Variants in UXS1 observed in about 807,000 individuals in gnomAD.
The protein encoded by UXS1 is UDP-glucuronate decarboxylase 1.
UXS1 carries 33 observed loss-of-function variants against 62.6 expected under a neutral mutation model. The ratio of observed to expected loss-of-function variants is 0.53; its 90% CI spans 0.40 to 0.70. UXS1 has a LOEUF of 0.70. UXS1 is among the 30% of genes least tolerant of loss of function. The probability of loss-of-function intolerance (pLI) is 0.00; values close to 1 mark genes in which losing one functional copy is unlikely to be tolerated. For synonymous variants in UXS1, 213 were observed against 206.8 expected (o/e 1.03, Z -0.26); for missense variants, 434 against 556.3 (o/e 0.78, Z 2.21).
At chr2:106,127,338 T>C (rs1485516330) in intron 7 of UXS1, among the ~76,000 whole-genome samples, 1 of 152,242 alleles carries the variant, frequency 6.6e-6, no homozygotes, top group Non-Finnish European at 1.5e-5. Context: ...AGAGTAACTA[T>C]ACATTTTATA....
At chr2:106,122,309 C>T (rs558520732) in intron 9 of UXS1, among the ~76,000 whole-genome samples, 1 of 152,350 alleles carries the variant, frequency 6.6e-6, no homozygotes, top group African/African-American at 2.4e-5. Context: ...TCCACCTTCT[C>T]TGCACAGTTC....
chr2:106,147,759 G>A (rs1355837842), intron 5 of UXS1, among the ~76,000 whole-genome samples: 2 of 152,008 alleles, frequency 1.3e-5, no homozygotes, highest in Non-Finnish European at 2.9e-5. Context: ...CGCCTGCCTC[G>A]GGCACACTTA....
intron 14 of UXS1, 55 bp from the exon 15 acceptor site, chr2:106,094,212 C>CGCAGGAAGGAAGTGCCCCCTT: frequency 8.4e-7 from 1 of 1,186,126 alleles, no homozygotes. Flanking sequence ...AGAAGGGCAT[C>CGCAGGAAGGAAGTGCCCCCTT]GCAGGAAGGA....
At chr2:106,188,475 T>C (rs1402249817) in intron 1 of UXS1, among the ~76,000 whole-genome samples, 2 of 152,348 alleles carry the variant, frequency 1.3e-5, no homozygotes, top group Non-Finnish European at 2.9e-5. Context: ...TTCCAGCTCC[T>C]GTCCCACCCT....
chr2:106,179,344 G>T (rs531769533), intron 1 of UXS1, among the ~76,000 whole-genome samples: 1 of 150,616 alleles, frequency 6.6e-6, no homozygotes, highest in Non-Finnish European at 1.5e-5. Flanking sequence ...CCTGCTCTCC[G>T]CTCTCTGGCT....
chr2:106,094,695 C>T (rs1381814106), intron 14 of UXS1, among the ~76,000 whole-genome samples: 1 of 152,178 alleles, frequency 6.6e-6, no homozygotes, highest in East Asian at 1.9e-4. Flanking sequence ...AGGGGACCCA[C>T]GGCAGCCCAC....
intron 12 of UXS1, 147 bp downstream of exon 12, chr2:106,100,911 G>T: frequency 1.0e-6 from 1 of 988,064 alleles, no homozygotes; most frequent in East Asian, 2.5e-5. Context: ...GTGTTTGTTT[G>T]TTTTTCCTCT....
At chr2:106,175,648 G>A (rs991899285) in intron 1 of UXS1, among the ~76,000 whole-genome samples, 3 of 152,134 alleles carry the variant, frequency 2.0e-5, no homozygotes, top group Non-Finnish European at 4.4e-5. Context: ...ACCACCATGC[G>A]TGAAGTCTGA....
chr2:106,180,269 T>C (rs1684157861), intron 1 of UXS1, among the ~76,000 whole-genome samples: 1 of 152,260 alleles, frequency 6.6e-6, no homozygotes, highest in African/African-American at 2.4e-5. Flanking sequence ...CAGGATTAGC[T>C]GGAAGGGAGC....
chr2:106,108,450 G>A (rs546097194), intron 10 of UXS1, among the ~76,000 whole-genome samples: 12 of 152,252 alleles, frequency 7.9e-5, no homozygotes, highest in African/African-American at 1.9e-4. Flanking sequence ...AGGCCTGCAG[G>A]GACTTGGCAC....
chr2:106,161,092 T>C (rs1283215114), intron 4 of UXS1, among the ~76,000 whole-genome samples: 1 of 150,608 alleles, frequency 6.6e-6, no homozygotes, highest in East Asian at 2.0e-4. Flanking sequence ...GCAGTGACCA[T>C]GTGGGTGCCG....
chr2:106,141,307 A>C (rs2104981511), intron 6 of UXS1, among the ~76,000 whole-genome samples: 1 of 152,342 alleles, frequency 6.6e-6, no homozygotes, highest in South Asian at 2.1e-4. Flanking sequence ...TTATATAAAA[A>C]GGGAGAACTA....
Position 106,170,793 on chromosome 2 carries a change from G to A in UXS1, c.95-4710C>T, listed in dbSNP as rs147222328. ...TGTAGAGTAGCCTGGAAGGTTGCAG[G>A]GCATAGACCTTAAAAGTTAAACATT... On this transcript the variant is annotated intron_variant, in intron 1 of 14. Coordinates refer to ENST00000283148, the MANE Select transcript of UXS1 (RefSeq NM_001253875.2). Among the ~76,000 whole-genome samples the A allele has an allele frequency of 4.6e-5, 7 of 152,226 alleles. No homozygotes were observed. The East Asian group carries it at 1.3e-3, about 29-fold the overall frequency.
intron 5 of UXS1, among the ~76,000 whole-genome samples, chr2:106,152,492 AG>A: frequency 4.0e-5 from 1 of 24,864 alleles, no homozygotes; most frequent in African/African-American, 1.5e-4. Flanking sequence ...GAAGGGAGGG[AG>A]AGAGGGAGGG....
chr2:106,145,754 T>C (rs1446040859), intron 5 of UXS1, among the ~76,000 whole-genome samples: 1 of 152,154 alleles, frequency 6.6e-6, no homozygotes, highest in Non-Finnish European at 1.5e-5. Context: ...CTTTAAAAAT[T>C]ACTTTATAGA....
At chr2:106,148,392 C>T (rs1269916345) in intron 5 of UXS1, among the ~76,000 whole-genome samples, 1 of 152,174 alleles carries the variant, frequency 6.6e-6, no homozygotes, top group East Asian at 1.9e-4. Context: ...AATGTAACCC[C>T]TTTTAACATA....
At chr2:106,164,820 GAA>G in intron 2 of UXS1, 21 bp from the exon 3 acceptor site, 1 of 1,549,780 alleles carries the variant, frequency 6.5e-7, no homozygotes, top group Non-Finnish European at 8.7e-7. Flanking sequence ...GAGATCAACT[GAA>G]AGGCTTTGTG....
At chr2:106,194,101 C>A (rs1260085813) in intron 1 of UXS1, 47 bp downstream of exon 1, 14 of 1,412,080 alleles carry the variant, frequency 9.9e-6, no homozygotes, top group Admixed American at 2.6e-5. Context: ...CACCGCGGCG[C>A]CGGGGAATGA....
chr2:106,104,382 C>G (rs1399362926), intron 11 of UXS1, among the ~76,000 whole-genome samples: 1 of 152,226 alleles, frequency 6.6e-6, no homozygotes, highest in African/African-American at 2.4e-5. Context: ...AGAACACTAT[C>G]TACCTTGTGC....
Sources: gnomAD v4.1 joint callset for allele counts (sites outside exome capture counted in the v4.1 genomes callset) on GRCh38, gnomAD v4.1.1 for gene constraint, MANE v1.5 for transcripts, NCBI Gene and HGNC (gene_info 2026-07-23, HGNC 2026-07-21) for gene names.